DOCK9: variants seen among roughly 807,000 people sequenced by gnomAD.
The protein encoded by DOCK9 is dedicator of cytokinesis protein 9.
DOCK9 carries 89 observed loss-of-function variants against 263.3 expected under a neutral mutation model. That is an observed-to-expected ratio of 0.34 (90% CI 0.28 to 0.40). The LOEUF is 0.40. Among genes scored for constraint, DOCK9 ranks in the 10% least tolerant of loss-of-function variants. DOCK9 has a pLI of 1.00. For missense variants in DOCK9, 2,140 were observed against 2,603.4 expected, an observed-to-expected ratio of 0.82 and a Z score of 3.87; for synonymous variants, 976 against 973.1, an observed-to-expected ratio of 1.00 and a Z score of -0.06.
intron 45 of DOCK9, among the ~76,000 whole-genome samples, chr13:98,817,956 A>T (rs1298340801): frequency 6.6e-6 from 1 of 152,168 alleles, no homozygotes; most frequent in Admixed American, 6.5e-5. Context: ...TCTACTGAAC[A>T]TTATTTCGTC....
chr13:99,083,574 T>A (rs2042212605), intron 1 of DOCK9, among the ~76,000 whole-genome samples: 1 of 152,158 alleles, frequency 6.6e-6, no homozygotes, highest in Non-Finnish European at 1.5e-5. Context: ...CAATAATTAT[T>A]CAATCTGGAT....
At chr13:98,855,756 T>C (rs1184254536) in intron 34 of DOCK9, 142 bp downstream of exon 34, 2 of 891,504 alleles carry the variant, frequency 2.2e-6, no homozygotes, top group Admixed American at 2.3e-5. Context: ...CTTAAAGCTC[T>C]CATCACCTAC....
rs2094069647 is a variant in DOCK9, at chr13:98,867,660, ACT to A, written c.3175-126_3175-125del. The A allele has an allele frequency of 1.8e-5, 12 of 678,160 alleles. No homozygotes were observed. The South Asian group carries it at 2.3e-4, about 13-fold the overall frequency. 42.0% of individuals were successfully genotyped at this position (678,160 alleles called of 1,614,324 possible). On this transcript the variant is annotated intron_variant, in intron 29 of 52. Transcript: ENST00000682017. ...CTTCTTGACCTTCTTAGAACTGCAC[ACT>A]CTATTGCACTGTACAGATTTCAGGA...
chr13:98,962,148 T>C (rs2141134327), intron 1 of DOCK9, among the ~76,000 whole-genome samples: 1 of 152,298 alleles, frequency 6.6e-6, no homozygotes, highest in East Asian at 1.9e-4. Context: ...TGAAGAATGA[T>C]AATACAAAAT....
rs1242198385 is a variant in DOCK9, at chr13:98,930,176, C to G, written c.325G>C (p.Val109Leu). ...GCAGGAAAGAGCCTTACCTCTGTAA[C>G]AAACAAGCTCTGTGCTTCCTCTTCC... ...KAEEEAQSLF[V>L]TECIKTYNSD... The change falls in exon 3 of 53, where the codon GTT becomes CTT. Residue 109 changes from valine to leucine, a missense_variant. Physicochemically the swap from Val to Leu is conservative, Grantham distance 32 (BLOSUM62 1). This residue lies in a region of DOCK9 where 1,521 missense variants were observed against 1,741.7 expected (regional missense o/e 0.87). Coordinates refer to ENST00000682017, the MANE Select transcript of DOCK9 (RefSeq NM_001366683.2). 6.2e-7 allele frequency: 1 copy of G among 1,609,638 alleles called. No homozygotes were observed. Among genetic ancestry groups the G allele is most frequent in the Non-Finnish European group, 8.5e-7 (1 of 1,177,982 alleles).
chr13:99,026,215 G>A (rs1595934563), intron 1 of DOCK9, among the ~76,000 whole-genome samples: 2 of 152,262 alleles, frequency 1.3e-5, no homozygotes, highest in Admixed American at 6.5e-5. Context: ...GGTGATGGAT[G>A]CACAACTCTG....
chr13:98,795,776 T>TTTA (rs2089301447), intron 52 of DOCK9, among the ~76,000 whole-genome samples: 1 of 144,846 alleles, frequency 6.9e-6, no homozygotes, highest in Non-Finnish European at 1.5e-5. Context: ...TTTTTTTTTT[T>TTTA]GAGATGGAGT....
chr13:98,799,199 TA>T (rs1322333164), intron 50 of DOCK9, among the ~76,000 whole-genome samples: 2 of 152,232 alleles, frequency 1.3e-5, no homozygotes, highest in Non-Finnish European at 2.9e-5. Flanking sequence ...CACGGTTCTT[TA>T]GCGTGGATCT....
intron 33 of DOCK9, chr13:98,860,094 T>C: frequency 1.1e-6 from 1 of 883,224 alleles, no homozygotes; most frequent in Non-Finnish European, 1.5e-6. Flanking sequence ...TGCAAAAATA[T>C]CCCTTAACAG....
At chr13:98,937,452 TTTCCTAGC>T (rs1252007057) in intron 2 of DOCK9, among the ~76,000 whole-genome samples, 2 of 152,230 alleles carry the variant, frequency 1.3e-5, no homozygotes, top group African/African-American at 4.8e-5. Flanking sequence ...ATAAAAGCCC[TTTCCTAGC>T]TATTATAACA....
intron 2 of DOCK9, among the ~76,000 whole-genome samples, chr13:98,944,594 A>G (rs538605425): frequency 6.6e-6 from 1 of 152,252 alleles, no homozygotes; most frequent in Admixed American, 6.5e-5. Flanking sequence ...CCCGCATAAC[A>G]TGTTCAATCA....
intron 38 of DOCK9, chr13:98,845,423 C>G: frequency 8.0e-7 from 1 of 1,248,768 alleles, no homozygotes; most frequent in Non-Finnish European, 1.1e-6. Context: ...TCCACACCCT[C>G]ACAAATTGAT....
At chr13:98,806,853 G>A (rs549846782) in intron 48 of DOCK9, among the ~76,000 whole-genome samples, 1 of 151,210 alleles carries the variant, frequency 6.6e-6, no homozygotes, top group Non-Finnish European at 1.5e-5. Context: ...AGATTGCAGT[G>A]AGCTGAGATA....
chr13:98,805,440 CT>C (rs796165009), intron 48 of DOCK9, among the ~76,000 whole-genome samples: 117 of 150,298 alleles, frequency 7.8e-4, no homozygotes, highest in African/African-American at 2.8e-3. Flanking sequence ...GACATACAGA[CT>C]TTTTTTTTTC....
At chr13:98,860,749 GA>G (rs1293484614) in intron 32 of DOCK9, among the ~76,000 whole-genome samples, 7 of 151,696 alleles carry the variant, frequency 4.6e-5, no homozygotes, top group African/African-American at 1.7e-4. Flanking sequence ...GTGGGGGAGA[GA>G]AATCACGTTC....
chr13:98,919,939 A>C lies in DOCK9; in HGVS notation c.717+1015T>G, dbSNP rs542780180. Among the ~76,000 whole-genome samples the C allele has an allele frequency of 7.9e-5, 12 of 152,334 alleles. No homozygotes were observed. In the East Asian group the frequency reaches 2.1e-3, roughly 27 times the overall value. On this transcript the variant is annotated intron_variant, in intron 7 of 52. Transcript: ENST00000682017. ...CTGCTTTCACCCCCACTTTAAATTTATGCTATCCCATGTCCTGTGTATGCT... is the reference window on the plus strand; with the variant it reads ...CTGCTTTCACCCCCACTTTAAATTTCTGCTATCCCATGTCCTGTGTATGCT...
intron 1 of DOCK9, among the ~76,000 whole-genome samples, chr13:98,966,266 C>T (rs1447549072): frequency 6.6e-6 from 1 of 152,214 alleles, no homozygotes; most frequent in Non-Finnish European, 1.5e-5. Flanking sequence ...TGTCTTCTCC[C>T]TACCCTGATA....
At chr13:98,941,581 T>C (rs1383245257) in intron 2 of DOCK9, among the ~76,000 whole-genome samples, 1 of 151,976 alleles carries the variant, frequency 6.6e-6, no homozygotes, top group East Asian at 1.9e-4. Flanking sequence ...GAATTATATA[T>C]TTTTTTGGTC....
intron 39 of DOCK9, among the ~76,000 whole-genome samples, chr13:98,834,960 G>A (rs2092932603): frequency 6.6e-6 from 1 of 152,120 alleles, no homozygotes; most frequent in South Asian, 2.1e-4. Flanking sequence ...GTTGTGTAGT[G>A]ATCTTGGGCA....
Sources: gnomAD v4.1 joint callset for allele counts (sites outside exome capture counted in the v4.1 genomes callset) on GRCh38, gnomAD v4.1.1 for gene constraint, gnomAD v4.1.1 regional missense constraint, MANE v1.5 for transcripts, NCBI Gene and HGNC (gene_info 2026-07-23, HGNC 2026-07-21) for gene names.